The following TRIM49B variants were observed in gnomAD, a reference collection of about 807,000 sequenced individuals.
TRIM49B encodes putative tripartite motif-containing protein 49B.
TRIM49B carries 18 observed loss-of-function variants against 31.8 expected under a neutral mutation model. The observed-to-expected ratio is 0.57, with a 90% CI of 0.39 to 0.84. The LOEUF (loss-of-function observed/expected upper bound fraction) is 0.84, where lower values mean the gene tolerates loss of function less well. Ranked by LOEUF, TRIM49B falls within the 40% of genes least tolerant of loss-of-function variation. The pLI, the probability that TRIM49B is intolerant of heterozygous loss-of-function variation, is 0.00. For missense variants in TRIM49B, 494 were observed against 538.7 expected (o/e 0.92, Z 0.82); for synonymous variants, 196 against 180.6 (o/e 1.09, Z -0.68).
intron 3 of TRIM49B, 43 bp from the exon 4 acceptor site, chr11:49,034,103 G>A: frequency 6.2e-7 from 1 of 1,610,404 alleles, no homozygotes. Flanking sequence ...AATAGGAGAT[G>A]GATATATACA....
intron 1 of TRIM49B, among the ~76,000 whole-genome samples, chr11:49,030,958 T>C (rs542557910): frequency 8.7e-6 from 1 of 114,718 alleles, no homozygotes; most frequent in East Asian, 2.3e-4. Flanking sequence ...CCTTGATTGG[T>C]TTAATTGCAG....
Position 49,032,371 on chromosome 11 carries a change from G to A in TRIM49B, c.507G>A (p.Lys169=), listed in dbSNP as rs1854465717. 6.2e-7 allele frequency: 1 copy of A among 1,612,696 alleles called. No homozygotes were observed. The highest frequency in any genetic ancestry group is 1.7e-5 in the Admixed American group (1 of 59,766). ...NVETTRTRCW[K]DYVNLRLEAI... is the part of the protein sequence containing the mutation. ...AAACCACCAGAACCAGATGCTGGAA[G>A]GTTAGTCCTGTACTACTCTACCTTC... is the stretch of plus-strand genomic sequence containing the variant. The change falls in exon 3 of 7, where the codon AAG becomes AAA. Residue 169 remains lysine (K), a splice_region_variant and synonymous_variant. Coordinates refer to ENST00000332682, the MANE Select transcript of TRIM49B (RefSeq NM_001206626.2).
chr11:49,037,362 A>G (rs543002143), intron 6 of TRIM49B, 116 bp from the exon 7 acceptor site: 172 of 1,369,576 alleles, frequency 1.3e-4, no homozygotes, highest in Admixed American at 4.0e-4. Flanking sequence ...ATACTTTACT[A>G]GAAGTTACAA....
chr11:49,030,922 T>A (rs1354264825), intron 1 of TRIM49B, among the ~76,000 whole-genome samples: 2 of 152,006 alleles, frequency 1.3e-5, no homozygotes, highest in African/African-American at 2.4e-5. Context: ...ATATCTTTAA[T>A]AATTTTTCTT....
rs756378235 is a variant in TRIM49B at position 49,031,670 on chromosome 11, A to T, written c.71A>T (p.Asp24Val). 1 of 1,613,890 alleles carries T rather than the reference A, an allele frequency of 6.2e-7. No individual in the cohort carries two copies. Among genetic ancestry groups the T allele is most frequent in the South Asian group, 1.1e-5 (1 of 91,064 alleles). ...CCCATCTGCATGAACTACTTCATAG[A>T]CCCGGTCACCATAGACTGTGGGCAC... is the stretch of plus-strand genomic sequence containing the variant. ...ICPICMNYFI[D>V]PVTIDCGHSF... is the part of the protein sequence containing the mutation. Residue 24 changes from aspartate (D) to valine (V), a missense_variant, in exon 2 of 7, where the codon GAC becomes GTC. Around this residue, in one of 3 missense-constraint regions of TRIM49B, gnomAD observed 251 missense variants for 232.8 expected, o/e 1.08. Coordinates refer to ENST00000332682, the MANE Select transcript of TRIM49B (RefSeq NM_001206626.2).
chr11:49,034,807 G>A (rs1484830928), intron 4 of TRIM49B, among the ~76,000 whole-genome samples: 1 of 152,158 alleles, frequency 6.6e-6, no homozygotes, highest in African/African-American at 2.4e-5. Context: ...AAAGATGACT[G>A]AGTAGGTTTT....
At chr11:49,033,654 G>A (rs1459510633) in intron 3 of TRIM49B, among the ~76,000 whole-genome samples, 2 of 152,150 alleles carry the variant, frequency 1.3e-5, no homozygotes, top group African/African-American at 4.8e-5. Context: ...AATGAATTCA[G>A]GGAGACAAAG....
At position 49,031,606 on chromosome 11, in the gene TRIM49B, T is replaced by C. The variant is rs1854446544; in HGVS notation, c.7T>C (p.Ser3Pro). ...CTCTTTGTTCCTCAGAAACATGAAT[T>C]CTGGAATCTTACAGGTCTTTCAGAG... Reference protein sequence around the residue: MNSGILQVFQREL... With the variant: MNPGILQVFQREL... The change falls in exon 2 of 7, where the codon TCT becomes CCT. Residue 3 changes from serine to proline, a missense_variant. Around this residue, in one of 3 missense-constraint regions of TRIM49B, gnomAD observed 251 missense variants for 232.8 expected, o/e 1.08. Coordinates refer to ENST00000332682, the MANE Select transcript of TRIM49B (RefSeq NM_001206626.2). 1.2e-6 allele frequency: 2 copies of C among 1,613,556 alleles called. No individual in the cohort carries two copies. The highest frequency in any genetic ancestry group is 1.7e-5 in the Admixed American group (1 of 59,930).
rs568161200 is a variant in TRIM49B, at chr11:49,029,395, C to A, written c.-5+420C>A. Among the ~76,000 whole-genome samples, 46 of 152,224 alleles carry A rather than the reference C, an allele frequency of 3.0e-4. No individual in the cohort carries two copies. The East Asian group carries it at 8.3e-3, about 27-fold the overall frequency. On this transcript the variant is annotated intron_variant, in intron 1 of 6. Transcript: ENST00000332682. ...ATTAGTAAGGTAATGATGAACGATG[C>A]AAAATAGTGAAACTAAAACAATGAG... is the stretch of plus-strand genomic sequence containing the variant.
intron 4 of TRIM49B, among the ~76,000 whole-genome samples, chr11:49,034,693 A>G (rs1216810931): frequency 1.3e-5 from 2 of 152,158 alleles, no homozygotes; most frequent in African/African-American, 2.4e-5. Flanking sequence ...TGATTCATTT[A>G]CATTTAGGTT....
At chr11:49,031,568 A>G (rs758351438) in intron 1 of TRIM49B, 28 bp from the exon 2 acceptor site, 3 of 1,610,360 alleles carry the variant, frequency 1.9e-6, no homozygotes, top group South Asian at 2.2e-5. Context: ...CCAGGCCCCA[A>G]AATGACATGT....
At chr11:49,035,246 A>G (rs933930016) in intron 5 of TRIM49B, 129 bp downstream of exon 5, 3 of 1,457,414 alleles carry the variant, frequency 2.1e-6, no homozygotes, top group Non-Finnish European at 2.7e-6. Context: ...TTTTTTTTGC[A>G]TCTACTTTCG....
rs563821034 is a variant in TRIM49B at position 49,037,664 on chromosome 11, A to C, written c.1046A>C (p.Asp349Ala). 1 of 1,613,726 alleles carries C rather than the reference A, an allele frequency of 6.2e-7. No homozygotes were observed. Among genetic ancestry groups the C allele is most frequent in the East Asian group, 2.2e-5 (1 of 44,862 alleles). ...GKYYWEVHVG[D>A]SWNWAFGVCN... ...TATTACTGGGAGGTCCATGTAGGGG[A>C]CTCCTGGAATTGGGCTTTTGGTGTC... is the stretch of plus-strand genomic sequence containing the variant. The change falls in exon 7 of 7, where the codon GAC (aspartate) becomes GCC (alanine). Residue 349 changes from aspartate to alanine, a missense_variant. By Grantham distance (126) the Asp-to-Ala change is moderately radical. This residue lies in a region of TRIM49B where 233 missense variants were observed against 281.4 expected (regional missense o/e 0.83). Transcript: ENST00000332682.
intron 1 of TRIM49B, among the ~76,000 whole-genome samples, chr11:49,031,356 T>C (rs1310403173): frequency 6.6e-6 from 1 of 152,224 alleles, no homozygotes; most frequent in African/African-American, 2.4e-5. Flanking sequence ...GTTCGTATTA[T>C]GCTACAGACA....
chr11:49,032,339 A>G lies in TRIM49B; in HGVS notation c.475A>G (p.Asn159Asp). Residue 159 changes from asparagine to aspartate, a missense_variant, in exon 3 of 7, where the codon AAT becomes GAT. Physicochemically the swap from Asn to Asp is conservative, Grantham distance 23. Coordinates refer to ENST00000332682, the MANE Select transcript of TRIM49B (RefSeq NM_001206626.2). ...EKACENHRNLNVETTRTRCWK... is the reference protein window; with the variant it reads ...EKACENHRNLDVETTRTRCWK... ...AGCTTGTGAAAATCACAGAAACCTG[A>G]ATGTGGAAACCACCAGAACCAGATG... 2.5e-6 allele frequency: 4 copies of G among 1,613,386 alleles called. No homozygotes were observed. Among genetic ancestry groups the G allele is most frequent in the Non-Finnish European group, 3.4e-6 (4 of 1,179,656 alleles).
Position 49,032,381 on chromosome 11 carries a change from G to A in TRIM49B, c.507+10G>A, listed in dbSNP as rs564847494. The A allele has an allele frequency of 7.1e-5, 115 of 1,612,024 alleles. No individual in the cohort carries two copies. The highest frequency in any genetic ancestry group is 5.3e-5 in the Non-Finnish European group (62 of 1,179,376). On this transcript the variant is annotated intron_variant, in intron 3 of 6. Transcript: ENST00000332682. Reference sequence around the variant, plus strand: ...AACCAGATGCTGGAAGGTTAGTCCTGTACTACTCTACCTTCTCCAGGAACT... The same window carrying A: ...AACCAGATGCTGGAAGGTTAGTCCTATACTACTCTACCTTCTCCAGGAACT...
intron 3 of TRIM49B, 89 bp from the exon 4 acceptor site, chr11:49,034,057 T>C (rs1590635250): frequency 6.2e-7 from 1 of 1,604,918 alleles, no homozygotes; most frequent in African/African-American, 1.3e-5. Context: ...TTTGAACTAT[T>C]GGACATTCGA....
chr11:49,035,131 TAG>T lies in TRIM49B; in HGVS notation c.761+16_761+17del, dbSNP rs1854505669. The T allele has an allele frequency of 6.2e-7, 1 of 1,606,392 alleles. No individual in the cohort carries two copies. Among genetic ancestry groups the T allele is most frequent in the Admixed American group, 1.7e-5 (1 of 58,968 alleles). ...CATATTACACAGGTGAGTGTGTACC[TAG>T]ATTTTAGCATATGTTCTTTAAGATT... On this transcript the variant is annotated intron_variant, in intron 5 of 6. Transcript: ENST00000332682.
At chr11:49,032,499 G>T (rs573570319) in intron 3 of TRIM49B, 128 bp downstream of exon 3, 5 of 1,519,632 alleles carry the variant, frequency 3.3e-6, no homozygotes, top group Admixed American at 4.9e-5. Context: ...AAAAAAAAGC[G>T]AGAGAAAACA....
Sources: allele counts gnomAD v4.1 joint callset (sites outside exome capture counted in the v4.1 genomes callset), GRCh38; gene constraint gnomAD v4.1.1; regional missense constraint gnomAD v4.1.1; transcripts MANE v1.5; gene names NCBI Gene and HGNC (gene_info 2026-07-23, HGNC 2026-07-21).